CDS1: variants seen among roughly 807,000 people sequenced by gnomAD.
CDS1 encodes the protein phosphatidate cytidylyltransferase 1.
A neutral mutation model predicts 62.1 loss-of-function variants in CDS1; 41 were observed. The ratio of observed to expected loss-of-function variants is 0.66; its 90% CI spans 0.51 to 0.86. CDS1 has a LOEUF of 0.86. Ranked by LOEUF, CDS1 falls within the 40% of genes least tolerant of loss-of-function variation. CDS1 has a pLI of 0.00. For missense variants in CDS1, 470 were observed against 550.1 expected, an observed-to-expected ratio of 0.85 and a Z score of 1.46; for synonymous variants, 185 against 192.6, an observed-to-expected ratio of 0.96 and a Z score of 0.32.
At chr4:84,590,615 T>G (rs1722565087) in intron 1 of CDS1, among the ~76,000 whole-genome samples, 1 of 152,152 alleles carries the variant, frequency 6.6e-6, no homozygotes, top group African/African-American at 2.4e-5. Context: ...AACATAGAAT[T>G]TAAGGACAAT....
At chr4:84,592,084 T>G (rs1041500143) in intron 1 of CDS1, among the ~76,000 whole-genome samples, 3 of 151,928 alleles carry the variant, frequency 2.0e-5, no homozygotes, top group Non-Finnish European at 4.4e-5. Context: ...TCAGAACTTA[T>G]TTAATGAGAA....
chr4:84,588,199 T>G (rs1485185150), intron 1 of CDS1, among the ~76,000 whole-genome samples: 1 of 152,128 alleles, frequency 6.6e-6, no homozygotes, highest in Admixed American at 6.5e-5. Context: ...ATAGTGTGCT[T>G]TCAGGTAAGA....
chr4:84,631,919 A>T, intron 6 of CDS1, 42 bp downstream of exon 6: 1 of 1,448,226 alleles, frequency 6.9e-7, no homozygotes, highest in Non-Finnish European at 9.6e-7. Flanking sequence ...TCTGTGATAA[A>T]AACCCTTAAC....
intron 2 of CDS1, among the ~76,000 whole-genome samples, chr4:84,605,988 A>G (rs946133744): frequency 1.3e-5 from 2 of 152,260 alleles, no homozygotes; most frequent in Middle Eastern, 3.4e-3. Context: ...TATCTATGCT[A>G]TTTATGAGTG....
chr4:84,619,633 A>T (rs1723612745), intron 5 of CDS1, 100 bp downstream of exon 5: 5 of 665,192 alleles, frequency 7.5e-6, no homozygotes, highest in South Asian at 3.3e-5. Context: ...GTTAAATTTT[A>T]TTCCAGCCTC....
At chr4:84,642,944 T>C in intron 10 of CDS1, 80 bp from the exon 11 acceptor site, 1 of 1,354,524 alleles carries the variant, frequency 7.4e-7, no homozygotes, top group Non-Finnish European at 1.0e-6. Context: ...ATTTACACAA[T>C]GGTTCTTAGA....
At position 84,583,188 on chromosome 4, in the gene CDS1, G is replaced by T. The variant is rs1397314723; in HGVS notation, c.-214G>T. On this transcript the variant is annotated 5_prime_UTR_variant, in exon 1 of 13. Coordinates refer to ENST00000295887, the MANE Select transcript of CDS1 (RefSeq NM_001263.4). Reference sequence around the variant, plus strand: ...CGGGACCTCCGCCGGAGCCGCGCTCGCTGCAGGCGGCCTCGAGCGCTCTCT... The same window carrying T: ...CGGGACCTCCGCCGGAGCCGCGCTCTCTGCAGGCGGCCTCGAGCGCTCTCT... 6.6e-6 allele frequency: 3 copies of T among 454,308 alleles called. No homozygotes were observed. The highest frequency in any genetic ancestry group is 6.2e-5 in the African/African-American group (3 of 48,196). 28.1% of individuals were successfully genotyped at this position (454,308 alleles called of 1,614,324 possible).
chr4:84,618,890 G>A (rs1723579854), intron 4 of CDS1, among the ~76,000 whole-genome samples: 1 of 152,096 alleles, frequency 6.6e-6, no homozygotes, highest in African/African-American at 2.4e-5. Flanking sequence ...CTATTAAAAA[G>A]CATTAGAGCT....
At chr4:84,601,032 G>A (rs1722919054) in intron 1 of CDS1, among the ~76,000 whole-genome samples, 2 of 151,968 alleles carry the variant, frequency 1.3e-5, no homozygotes, top group South Asian at 2.1e-4. Flanking sequence ...AATTAGCCAG[G>A]TGCGGTGGTG....
intron 1 of CDS1, among the ~76,000 whole-genome samples, chr4:84,602,324 T>C (rs1363432827): frequency 2.0e-5 from 3 of 152,176 alleles, no homozygotes; most frequent in African/African-American, 2.4e-5. Context: ...GACAGCCTTG[T>C]TGAGGGTGAG....
intron 3 of CDS1, among the ~76,000 whole-genome samples, chr4:84,610,799 C>G (rs1723296157): frequency 6.6e-6 from 1 of 152,038 alleles, no homozygotes; most frequent in East Asian, 1.9e-4. Flanking sequence ...AAATTTATAG[C>G]CTAGGACCAA....
At chr4:84,630,866 A>T (rs1723998216) in intron 5 of CDS1, among the ~76,000 whole-genome samples, 1 of 152,120 alleles carries the variant, frequency 6.6e-6, no homozygotes, top group Non-Finnish European at 1.5e-5. Context: ...TCTGAAATTA[A>T]ATTTGGTTTA....
chr4:84,599,424 A>ATG (rs1722863645), intron 1 of CDS1, among the ~76,000 whole-genome samples: 5 of 20,624 alleles, frequency 2.4e-4, no homozygotes, highest in African/African-American at 6.7e-4. Flanking sequence ...ATATATATAT[A>ATG]TATATATATA....
At chr4:84,614,372 G>A (rs894674924) in intron 3 of CDS1, among the ~76,000 whole-genome samples, 1 of 152,138 alleles carries the variant, frequency 6.6e-6, no homozygotes, top group Non-Finnish European at 1.5e-5. Flanking sequence ...CACTTACAGT[G>A]AATGAATATC....
At chr4:84,637,796 A>G (rs1724259155) in intron 8 of CDS1, among the ~76,000 whole-genome samples, 1 of 152,246 alleles carries the variant, frequency 6.6e-6, no homozygotes, top group African/African-American at 2.4e-5. Flanking sequence ...TATGATATGC[A>G]TCAATTTAAT....
chr4:84,635,313 C>A lies in CDS1; in HGVS notation c.772C>A (p.Leu258Ile). Residue 258 changes from leucine (L) to isoleucine (I), a missense_variant, in exon 8 of 13, where the codon CTT becomes ATT. Transcript: ENST00000295887. ...TATCTGCAATGACATAACTGCTTAC[C>A]TTTTTGGATTTTTTTTTGGGAGAAC... ...SVICNDITAYLFGFFFGRTPL... is the reference protein window; with the variant it reads ...SVICNDITAYIFGFFFGRTPL... 2.5e-6 allele frequency: 4 copies of A among 1,580,728 alleles called. No homozygotes were observed.
Position 84,645,144 on chromosome 4 carries a change from C to T in CDS1, c.1153-78C>T, listed in dbSNP as rs17009173. 1.4e-3 allele frequency: 1,301 copies of T among 910,730 alleles called. 19 individuals carry two copies. The African/African-American group carries it at 0.019, about 14-fold the overall frequency. The allele number at this position is 910,730 out of a possible 1,614,324, so 56.4% of individuals were successfully genotyped here. On this transcript the variant is annotated intron_variant, in intron 11 of 12. Coordinates refer to ENST00000295887, the MANE Select transcript of CDS1 (RefSeq NM_001263.4). ...TATTTTCGTTAGAGTGAGTCCATGA[C>T]GCCAAAGAGACACAGATAGGAATTT...
chr4:84,647,380 T>A (rs1048763147), intron 12 of CDS1, among the ~76,000 whole-genome samples: 1 of 152,014 alleles, frequency 6.6e-6, no homozygotes, highest in African/African-American at 2.4e-5. Flanking sequence ...AAAAAAAAAA[T>A]GCTGTCCTCT....
intron 1 of CDS1, among the ~76,000 whole-genome samples, chr4:84,600,644 T>G (rs1722908211): frequency 6.6e-6 from 1 of 152,230 alleles, no homozygotes; most frequent in Non-Finnish European, 1.5e-5. Context: ...CCATTGATCA[T>G]TTTGTCTATT....
Sources: gnomAD v4.1 joint callset for allele counts (sites outside exome capture counted in the v4.1 genomes callset) on GRCh38, gnomAD v4.1.1 for gene constraint, MANE v1.5 for transcripts, NCBI Gene and HGNC (gene_info 2026-07-23, HGNC 2026-07-21) for gene names.